Variants in GULP1 observed in about 807,000 individuals in gnomAD.
GULP1 encodes PTB domain-containing engulfment adapter protein 1.
A neutral mutation model predicts 40.9 loss-of-function variants in GULP1; 19 were observed. That is an observed-to-expected ratio of 0.46 (90% CI 0.32 to 0.68). The LOEUF is 0.68. Among genes scored for constraint, GULP1 ranks in the 30% least tolerant of loss-of-function variants. The probability of loss-of-function intolerance (pLI) is 0.03; values close to 1 mark genes in which losing one functional copy is unlikely to be tolerated. For missense variants in GULP1, 312 were observed against 362.2 expected (o/e 0.86, Z 1.12); for synonymous variants, 119 against 117.6 (o/e 1.01, Z -0.08).
intron 4 of GULP1, among the ~76,000 whole-genome samples, chr2:188,484,941 A>C (rs972150007): frequency 7.2e-5 from 11 of 152,160 alleles, no homozygotes; most frequent in African/African-American, 2.7e-4. Context: ...ATTTAGCATG[A>C]AAAGTTTAGT....
intron 4 of GULP1, among the ~76,000 whole-genome samples, chr2:188,498,139 CCATTATAAT>C (rs2063079234): frequency 6.6e-6 from 1 of 151,834 alleles, no homozygotes; most frequent in Non-Finnish European, 1.5e-5. Flanking sequence ...GGTGAGGTGG[CCATTATAAT>C]CAGAGGTAAC....
chr2:188,461,469 C>A (rs2059702534), intron 2 of GULP1, among the ~76,000 whole-genome samples: 1 of 151,830 alleles, frequency 6.6e-6, no homozygotes, highest in South Asian at 2.1e-4. Flanking sequence ...TACAGGCATG[C>A]ACCACCATTC....
chr2:188,589,604 C>A, intron 11 of GULP1: 1 of 421,812 alleles, frequency 2.4e-6, no homozygotes, highest in South Asian at 8.9e-5. Flanking sequence ...TTGTTGAAAC[C>A]AAGTGTGAGA....
intron 5 of GULP1, among the ~76,000 whole-genome samples, chr2:188,524,653 A>G (rs1170053518): frequency 6.6e-6 from 1 of 150,930 alleles, no homozygotes. Context: ...CTACAATTCA[A>G]AGTATACTAA....
chr2:188,464,902 G>T (rs2059991642), intron 2 of GULP1, among the ~76,000 whole-genome samples: 1 of 152,068 alleles, frequency 6.6e-6, no homozygotes, highest in Admixed American at 6.5e-5. Flanking sequence ...AACCGTCATG[G>T]CAGTGGGCTT....
chr2:188,558,701 T>A (rs1695485489), intron 7 of GULP1, among the ~76,000 whole-genome samples: 1 of 152,124 alleles, frequency 6.6e-6, no homozygotes, highest in African/African-American at 2.4e-5. Context: ...AGCCTGAATG[T>A]GATATGGACA....
intron 6 of GULP1, among the ~76,000 whole-genome samples, 193 bp downstream of exon 6, chr2:188,529,388 G>A (rs1686977438): frequency 1.3e-5 from 2 of 152,074 alleles, no homozygotes; most frequent in African/African-American, 2.4e-5. Context: ...TCTTCAGCTT[G>A]TTTGGGATAT....
intron 1 of GULP1, among the ~76,000 whole-genome samples, chr2:188,307,492 T>C (rs1178955076): frequency 3.9e-5 from 6 of 152,074 alleles, no homozygotes; most frequent in Admixed American, 3.9e-4. Flanking sequence ...ATGTAAAATA[T>C]TCATATGAAA....
chr2:188,542,383 A>G (rs1289487236), intron 7 of GULP1, among the ~76,000 whole-genome samples: 1 of 152,194 alleles, frequency 6.6e-6, no homozygotes, highest in Non-Finnish European at 1.5e-5. Flanking sequence ...TAGTTTCAGT[A>G]TTGAGCTTCT....
At chr2:188,592,128 T>C (rs1368416387) in intron 11 of GULP1, 1 of 152,026 alleles carries the variant, frequency 6.6e-6, no homozygotes, top group Admixed American at 6.6e-5. Context: ...TGTTTTACTT[T>C]GGCTGCTATT....
intron 9 of GULP1, among the ~76,000 whole-genome samples, chr2:188,581,462 CTTAA>C (rs1396130957): frequency 6.6e-6 from 1 of 152,140 alleles, no homozygotes; most frequent in African/African-American, 2.4e-5. Context: ...TGAATAAAGA[CTTAA>C]TTATTACTTC....
chr2:188,468,524 A>G (rs1317514760), intron 2 of GULP1, among the ~76,000 whole-genome samples: 1 of 152,212 alleles, frequency 6.6e-6, no homozygotes, highest in Non-Finnish European at 1.5e-5. Context: ...ATACTAGAGA[A>G]GCAAAGATAA....
chr2:188,379,328 T>C (rs979354045), intron 1 of GULP1, among the ~76,000 whole-genome samples: 1 of 152,184 alleles, frequency 6.6e-6, no homozygotes, highest in African/African-American at 2.4e-5. Flanking sequence ...TCAGAATGCA[T>C]TTGGAAGAAT....
intron 1 of GULP1, among the ~76,000 whole-genome samples, chr2:188,359,885 A>G (rs1342304024): frequency 6.6e-6 from 1 of 152,132 alleles, no homozygotes; most frequent in Non-Finnish European, 1.5e-5. Flanking sequence ...TTGTGCAAAA[A>G]GATATATTAG....
chr2:188,314,465 AC>A (rs2038744277), intron 1 of GULP1, among the ~76,000 whole-genome samples: 1 of 151,930 alleles, frequency 6.6e-6, no homozygotes, highest in Non-Finnish European at 1.5e-5. Context: ...ATACTCAACA[AC>A]CTCTCTCCTC....
At chr2:188,548,302 A>T (rs2153363909) in intron 7 of GULP1, among the ~76,000 whole-genome samples, 1 of 152,224 alleles carries the variant, frequency 6.6e-6, no homozygotes, top group Admixed American at 6.6e-5. Context: ...ACATACATGG[A>T]TCAATTGTAT....
rs563933192 is a variant in GULP1, at chr2:188,478,584, G to GA, written c.28+860dup. On this transcript the variant is annotated intron_variant, in intron 3 of 11. Coordinates refer to ENST00000409830, the MANE Select transcript of GULP1 (RefSeq NM_016315.4). ...TGTAGTAGGATTACAGATGTGTGAG[G>GA]AAAAAATGACAAGTTAGGCCTTATT... Among the ~76,000 whole-genome samples, 43 of 152,058 alleles carry GA rather than the reference G, an allele frequency of 2.8e-4. No homozygotes were observed. The South Asian group carries it at 3.5e-3, about 12-fold the overall frequency.
chr2:188,516,656 G>A (rs1415160382), intron 4 of GULP1, among the ~76,000 whole-genome samples: 1 of 152,116 alleles, frequency 6.6e-6, no homozygotes, highest in Non-Finnish European at 1.5e-5. Flanking sequence ...AGAATCACCT[G>A]TAGAAGATAT....
chr2:188,507,947 C>A (rs994986247), intron 4 of GULP1, among the ~76,000 whole-genome samples: 1 of 151,732 alleles, frequency 6.6e-6, no homozygotes, highest in African/African-American at 2.4e-5. Context: ...TGATATGCTG[C>A]AATATAGTTC....
Sources: allele counts gnomAD v4.1 joint callset (sites outside exome capture counted in the v4.1 genomes callset), GRCh38; gene constraint gnomAD v4.1.1; transcripts MANE v1.5; gene names NCBI Gene and HGNC (gene_info 2026-07-23, HGNC 2026-07-21).